PDS5A: variants seen among roughly 807,000 people sequenced by gnomAD.
PDS5A encodes sister chromatid cohesion protein PDS5 homolog A.
PDS5A carries 42 observed loss-of-function variants against 167.1 expected under a neutral mutation model. The ratio of observed to expected loss-of-function variants is 0.25; its 90% CI spans 0.20 to 0.33. PDS5A has a LOEUF of 0.33. PDS5A is among the 10% of genes least tolerant of loss of function. PDS5A has a pLI of 1.00. For synonymous variants in PDS5A, 553 were observed against 554.6 expected (o/e 1.00, Z 0.04); for missense variants, 1,033 against 1,605.9 (o/e 0.64, Z 6.10).
At chr4:39,838,748 G>A (rs894089758) in intron 31 of PDS5A, among the ~76,000 whole-genome samples, 6 of 150,820 alleles carry the variant, frequency 4.0e-5, no homozygotes, top group East Asian at 3.9e-4. Flanking sequence ...AGCCCGGCAC[G>A]GTGCCTCACG....
intron 18 of PDS5A, among the ~76,000 whole-genome samples, chr4:39,878,661 A>C (rs1471376869): frequency 1.3e-5 from 2 of 152,252 alleles, no homozygotes; most frequent in African/African-American, 4.8e-5. Context: ...TTCACTTTTA[A>C]AACAACTTAA....
intron 2 of PDS5A, among the ~76,000 whole-genome samples, chr4:39,935,250 G>C (rs758159161): frequency 6.6e-6 from 1 of 152,134 alleles, no homozygotes. Context: ...GGGATTACAG[G>C]TGTGCACCAC....
intron 9 of PDS5A, among the ~76,000 whole-genome samples, chr4:39,911,012 T>C (rs368481950): frequency 6.6e-6 from 1 of 152,028 alleles, no homozygotes; most frequent in Non-Finnish European, 1.5e-5. Flanking sequence ...CATTCCCCTG[T>C]AGTCCCAGCT....
intron 2 of PDS5A, among the ~76,000 whole-genome samples, chr4:39,930,078 A>G (rs1725870281): frequency 6.6e-6 from 1 of 151,248 alleles, no homozygotes; most frequent in Non-Finnish European, 1.5e-5. Context: ...AGCCGGGCAC[A>G]GTAGCACACA....
At chr4:39,889,484 T>A (rs1332908447) in intron 17 of PDS5A, among the ~76,000 whole-genome samples, 2 of 152,202 alleles carry the variant, frequency 1.3e-5, no homozygotes. Context: ...CTGGAACTGA[T>A]CTCTGAATTC....
At chr4:39,939,168 G>GA (rs560455082) in intron 2 of PDS5A, among the ~76,000 whole-genome samples, 84 of 152,192 alleles carry the variant, frequency 5.5e-4, no homozygotes, top group African/African-American at 2.0e-3. Context: ...CAAGGCTATG[G>GA]CTGAGCTATA....
chr4:39,847,953 C>T (rs1359858682), intron 28 of PDS5A: 1 of 152,250 alleles, frequency 6.6e-6, no homozygotes, highest in Admixed American at 6.5e-5. Context: ...TGCCTCCTGT[C>T]GGATCAGCGG....
At chr4:39,850,030 TG>T (rs1432598030) in intron 26 of PDS5A, among the ~76,000 whole-genome samples, 11 of 152,004 alleles carry the variant, frequency 7.2e-5, no homozygotes, top group Non-Finnish European at 1.0e-4. Context: ...CCTAGCACTT[TG>T]GGAGGCCGAG....
At chr4:39,955,184 A>AGC (rs1728809798) in intron 2 of PDS5A, among the ~76,000 whole-genome samples, 1 of 152,344 alleles carries the variant, frequency 6.6e-6, no homozygotes, top group East Asian at 1.9e-4. Flanking sequence ...AATCTAACTT[A>AGC]GAGTTTAAAC....
chr4:39,927,600 T>C, intron 3 of PDS5A, among the ~76,000 whole-genome samples: 1 of 152,106 alleles, frequency 6.6e-6, no homozygotes, highest in East Asian at 1.9e-4. Context: ...TAGGGGAAAA[T>C]AGTCATATGA....
rs1158287221 is a variant in PDS5A at position 39,829,950 on chromosome 4, CAAAAAAAAAAAAAAAAAAA to C, written c.4011-4481_4011-4463del. The stretch of plus-strand genomic sequence containing the variant: ...TGGGCGACAGACTGAGACTCCAACT[CAAAAAAAAAAAAAAAAAAA>C]AAAAAAAAAAAAAAAGAAATTTCCA... On this transcript the variant is annotated intron_variant, in intron 32 of 32. Coordinates refer to ENST00000303538, the MANE Select transcript of PDS5A (RefSeq NM_001100399.2). Among the ~76,000 whole-genome samples the C allele has an allele frequency of 1.3e-4, 9 of 67,298 alleles. No homozygotes were observed. The East Asian group carries it at 2.1e-3, about 16-fold the overall frequency. The allele number at this position is 67,298 out of a possible 152,430, so 44.2% of individuals were successfully genotyped here. A position where few individuals can be genotyped will look rare whatever the true frequency, so the allele number is the denominator to read the frequency against.
chr4:39,858,008 A>G (rs1718675171), intron 26 of PDS5A, among the ~76,000 whole-genome samples: 1 of 152,186 alleles, frequency 6.6e-6, no homozygotes, highest in Non-Finnish European at 1.5e-5. Flanking sequence ...ACCAAGGAAG[A>G]CGAAGACCTA....
At chr4:39,955,935 C>T (rs559964974) in intron 2 of PDS5A, among the ~76,000 whole-genome samples, 29 of 151,586 alleles carry the variant, frequency 1.9e-4, no homozygotes, top group Non-Finnish European at 3.4e-4. Flanking sequence ...GCCAACATGG[C>T]GAAACCCCAT....
intron 21 of PDS5A, among the ~76,000 whole-genome samples, chr4:39,869,697 A>G (rs1437521989): frequency 6.6e-6 from 1 of 152,206 alleles, no homozygotes; most frequent in African/African-American, 2.4e-5. Flanking sequence ...AGACATATAG[A>G]CTAATGGAAT....
At chr4:39,910,057 C>A in intron 10 of PDS5A, 187 bp downstream of exon 10, 1 of 445,608 alleles carries the variant, frequency 2.2e-6, no homozygotes, top group Admixed American at 3.8e-5. Context: ...AACAAACAAA[C>A]AAATAAAGAG....
intron 2 of PDS5A, among the ~76,000 whole-genome samples, chr4:39,930,237 A>T (rs1376088094): frequency 7.7e-6 from 1 of 129,896 alleles, no homozygotes; most frequent in African/African-American, 2.6e-5. Context: ...AAAAAAAAAA[A>T]AAAAAAAAAG....
intron 2 of PDS5A, among the ~76,000 whole-genome samples, chr4:39,956,586 A>G (rs1728945687): frequency 6.6e-6 from 1 of 152,008 alleles, no homozygotes; most frequent in African/African-American, 2.4e-5. Flanking sequence ...AAAAACATCT[A>G]AAGACAATTT....
intron 26 of PDS5A, among the ~76,000 whole-genome samples, chr4:39,861,803 T>G (rs1439186076): frequency 3.9e-5 from 6 of 152,188 alleles, no homozygotes; most frequent in Non-Finnish European, 7.3e-5. Context: ...GTATCAAAAT[T>G]TTTTAAAAGA....
At chr4:39,846,983 C>T (rs1376466387) in intron 28 of PDS5A, 1 of 152,088 alleles carries the variant, frequency 6.6e-6, no homozygotes, top group Non-Finnish European at 1.5e-5. Context: ...TATAGCTTCA[C>T]TAGGTTGACT....
Sources: gnomAD v4.1 joint callset for allele counts (sites outside exome capture counted in the v4.1 genomes callset) on GRCh38, gnomAD v4.1.1 for gene constraint, MANE v1.5 for transcripts, NCBI Gene and HGNC (gene_info 2026-07-23, HGNC 2026-07-21) for gene names.